PRDM11: variants seen among roughly 807,000 people sequenced by gnomAD.
PRDM11 encodes the protein PR domain-containing protein 11.
Under a neutral mutation model 97.8 loss-of-function variants are expected in PRDM11, and 20 were observed. That is an observed-to-expected ratio of 0.20 (90% CI 0.14 to 0.30). The LOEUF (loss-of-function observed/expected upper bound fraction) is 0.30. PRDM11 is among the 10% of genes least tolerant of loss of function. The pLI, the probability that PRDM11 is intolerant of heterozygous loss-of-function variation, is 1.00. For missense variants in PRDM11, 1,139 were observed against 1,555.2 expected (o/e 0.73, Z 4.50); for synonymous variants, 599 against 637.7 (o/e 0.94, Z 0.91).
rs1590393990 is a variant in PRDM11, at chr11:45,161,928, C to T, written c.-7+15051C>T. 3.9e-5 allele frequency among the ~76,000 whole-genome samples: 6 copies of T among 152,360 alleles called. 1 individual carries two copies. The South Asian group carries it at 1.0e-3, about 26-fold the overall frequency. ...CTCCCAAAGCCACATAGGTCACCAC[C>T]GGCAGGGCTGGGAATGGTAGCCAGG... On this transcript the variant is annotated intron_variant, in intron 1 of 7. Coordinates refer to ENST00000683152, the MANE Select transcript of PRDM11 (RefSeq NM_001384648.1).
At chr11:45,111,854 C>A (rs1435669965) in intron 1 of PRDM11, among the ~76,000 whole-genome samples, 2 of 152,164 alleles carry the variant, frequency 1.3e-5, no homozygotes, top group Non-Finnish European at 2.9e-5. Context: ...TGCTGTGTGG[C>A]ACATTTGATC....
At chr11:45,169,072 A>T (rs1016043258) in intron 1 of PRDM11, among the ~76,000 whole-genome samples, 10 of 152,160 alleles carry the variant, frequency 6.6e-5, no homozygotes, top group Non-Finnish European at 8.8e-5. Flanking sequence ...CCTCACCCCG[A>T]ATCACTGACA....
At chr11:45,146,421 A>AT (rs1039827910), upstream of PRDM11, among the ~76,000 whole-genome samples, 14 of 151,628 alleles carry the variant, frequency 9.2e-5, no homozygotes, top group African/African-American at 3.4e-4. Flanking sequence ...TTTTTCATCT[A>AT]TTTTTTTCTC....
At chr11:45,189,843 A>C (rs1207632606) in intron 4 of PRDM11, among the ~76,000 whole-genome samples, 1 of 152,184 alleles carries the variant, frequency 6.6e-6, no homozygotes, top group Non-Finnish European at 1.5e-5. Flanking sequence ...GGTGTTACCA[A>C]GTTCGGGGAT....
upstream of PRDM11, among the ~76,000 whole-genome samples, chr11:45,094,825 GGAAGGGAGGAAGGAGGGA>G (rs1851865099): frequency 1.0e-5 from 1 of 100,266 alleles, no homozygotes; most frequent in African/African-American, 6.2e-5. Context: ...AAGGAGAGAA[GGAAGGGAGGAAGGAGGGA>G]AGGAAGGGAG....
intron 3 of PRDM11, 117 bp from the exon 4 acceptor site, chr11:45,182,744 T>G: frequency 7.7e-7 from 1 of 1,291,352 alleles, no homozygotes; most frequent in Non-Finnish European, 1.1e-6. Flanking sequence ...CCGATGACCC[T>G]GGGGCCTGCA....
intron 1 of PRDM11, among the ~76,000 whole-genome samples, chr11:45,171,700 G>C (rs1372847654): frequency 6.6e-6 from 1 of 152,348 alleles, no homozygotes; most frequent in African/African-American, 2.4e-5. Flanking sequence ...CAGTGTCCCA[G>C]TGAGGATGGC....
intron 5 of PRDM11, among the ~76,000 whole-genome samples, chr11:45,209,676 T>A (rs1243207392): frequency 6.6e-6 from 1 of 152,112 alleles, no homozygotes; most frequent in African/African-American, 2.4e-5. Context: ...AGGGCTGACT[T>A]CATGAGCATG....
At chr11:45,215,337 C>T (rs1041756862) in intron 5 of PRDM11, among the ~76,000 whole-genome samples, 2 of 152,250 alleles carry the variant, frequency 1.3e-5, no homozygotes, top group African/African-American at 4.8e-5. Flanking sequence ...GTCTTGCCCA[C>T]AGATCCCCTT....
chr11:45,196,956 T>C (rs1021928884), intron 4 of PRDM11, among the ~76,000 whole-genome samples: 1 of 152,170 alleles, frequency 6.6e-6, no homozygotes, highest in African/African-American at 2.4e-5. Flanking sequence ...CCCCTATGAG[T>C]TGTTGTAAAT....
chr11:45,162,027 A>G (rs1256308741), intron 1 of PRDM11, among the ~76,000 whole-genome samples: 1 of 152,216 alleles, frequency 6.6e-6, no homozygotes, highest in African/African-American at 2.4e-5. Flanking sequence ...GTTCCTGGCC[A>G]CACAGCTTGG....
At chr11:45,189,061 C>A (rs1852815215) in intron 4 of PRDM11, among the ~76,000 whole-genome samples, 1 of 152,156 alleles carries the variant, frequency 6.6e-6, no homozygotes. Flanking sequence ...GCCACCACAT[C>A]CAGCTAATTT....
At chr11:45,170,843 G>C (rs953361717) in intron 1 of PRDM11, among the ~76,000 whole-genome samples, 9 of 152,108 alleles carry the variant, frequency 5.9e-5, no homozygotes, top group African/African-American at 2.2e-4. Flanking sequence ...CTTAGAGCAG[G>C]GTGGCAGCCA....
At chr11:45,223,615 G>A (rs933200772) in intron 6 of PRDM11, among the ~76,000 whole-genome samples, 6 of 152,138 alleles carry the variant, frequency 3.9e-5, no homozygotes, top group Non-Finnish European at 8.8e-5. Context: ...AACAACAGAA[G>A]TTCAGATCAT....
intron 1 of PRDM11, among the ~76,000 whole-genome samples, chr11:45,105,873 C>G (rs1435605189): frequency 6.6e-6 from 1 of 152,240 alleles, no homozygotes; most frequent in Admixed American, 6.5e-5. Context: ...CCCAGGGCCA[C>G]AGAGGCCTCT....
In PRDM11 at chr11:45,228,685, G is replaced by T. The variant is rs1854336812; in HGVS notation, c.*526G>T. On this transcript the variant is annotated 3_prime_UTR_variant, in exon 8 of 8. Transcript: ENST00000683152. ...AATCAGATCTCTGACTTAAGTCAGGGTGGGTTGTCTGTCTGCATTTGGGAG... is the reference window on the plus strand; with the variant it reads ...AATCAGATCTCTGACTTAAGTCAGGTTGGGTTGTCTGTCTGCATTTGGGAG... 6.6e-6 allele frequency: 1 copy of T among 152,144 alleles called. No homozygotes were observed. Among genetic ancestry groups the T allele is most frequent in the African/African-American group, 2.4e-5 (1 of 41,408 alleles). The allele number at this position is 152,144 out of a possible 1,614,324, so 9.4% of individuals were successfully genotyped here.
chr11:45,141,794 T>A (rs115846533), upstream of PRDM11, among the ~76,000 whole-genome samples: 2,001 of 152,264 alleles, frequency 0.013, 43 homozygotes, highest in African/African-American at 0.045. Context: ...ATGCTTCTAT[T>A]ATCTCTAGCT....
At chr11:45,104,169 G>A (rs1450735192) in intron 1 of PRDM11, among the ~76,000 whole-genome samples, 1 of 152,234 alleles carries the variant, frequency 6.6e-6, no homozygotes, top group African/African-American at 2.4e-5. Context: ...CACTGCACCT[G>A]GCAAAGCACA....
chr11:45,203,140 G>A (rs1565320592), intron 4 of PRDM11, among the ~76,000 whole-genome samples: 1 of 152,192 alleles, frequency 6.6e-6, no homozygotes, highest in South Asian at 2.1e-4. Flanking sequence ...GGTTAGGTAG[G>A]AGTCTAGGCA....
Sources: allele counts gnomAD v4.1 joint callset (sites outside exome capture counted in the v4.1 genomes callset), GRCh38; gene constraint gnomAD v4.1.1; transcripts MANE v1.5; gene names NCBI Gene and HGNC (gene_info 2026-07-23, HGNC 2026-07-21).